The following RGS7 variants were observed in gnomAD, a reference collection of about 807,000 sequenced individuals.
RGS7 encodes the protein regulator of G-protein signaling 7.
In RGS7, 27 loss-of-function variants were observed where a neutral mutation model predicts 81.1. The ratio of observed to expected loss-of-function variants is 0.33; its 90% CI spans 0.25 to 0.46. The LOEUF (loss-of-function observed/expected upper bound fraction) is 0.46. Among genes scored for constraint, RGS7 ranks in the 20% least tolerant of loss-of-function variants. The probability of loss-of-function intolerance (pLI) is 1.00; values close to 1 mark genes in which losing one functional copy is unlikely to be tolerated. For missense variants in RGS7, 396 were observed against 607.4 expected, an observed-to-expected ratio of 0.65 and a Z score of 3.66; for synonymous variants, 208 against 207.7, an observed-to-expected ratio of 1.00 and a Z score of -0.01.
At chr1:241,333,246 G>T (rs1055535111) in intron 2 of RGS7, among the ~76,000 whole-genome samples, 1 of 152,160 alleles carries the variant, frequency 6.6e-6, no homozygotes, top group African/African-American at 2.4e-5. Flanking sequence ...TAGACTACTG[G>T]TTTTGATAGA....
At chr1:240,902,101 T>A (rs2148203456) in intron 6 of RGS7, among the ~76,000 whole-genome samples, 1 of 152,338 alleles carries the variant, frequency 6.6e-6, no homozygotes, top group South Asian at 2.1e-4. Context: ...TTTCCATAAA[T>A]TCAATCAATT....
At chr1:241,340,300 T>C (rs550682196) in intron 2 of RGS7, among the ~76,000 whole-genome samples, 18 of 152,214 alleles carry the variant, frequency 1.2e-4, no homozygotes, top group Non-Finnish European at 2.5e-4. Flanking sequence ...TTTTTGGTTA[T>C]AATCAAATAC....
At chr1:241,182,990 C>T (rs1180259038) in intron 2 of RGS7, among the ~76,000 whole-genome samples, 2 of 151,538 alleles carry the variant, frequency 1.3e-5, no homozygotes, top group South Asian at 2.1e-4. Context: ...GCATACATAC[C>T]GTGCTCTGGT....
chr1:241,225,763 T>C (rs1219169169), intron 2 of RGS7, among the ~76,000 whole-genome samples: 8 of 152,200 alleles, frequency 5.3e-5, no homozygotes, highest in Admixed American at 4.6e-4. Context: ...TATTTCTAAC[T>C]TGTTAGGTAC....
Position 241,189,641 on chromosome 1 carries a change from A to G in RGS7, c.79-90879T>C, listed in dbSNP as rs551818325. On this transcript the variant is annotated intron_variant, in intron 2 of 18. Coordinates refer to ENST00000440928, the MANE Select transcript of RGS7 (RefSeq NM_001364886.1). Reference sequence around the variant, plus strand: ...TTTGCTTTTTCTTTACACTTTTTATAAAGTTTTACATTTTACATTTAAGTC... The same window carrying G: ...TTTGCTTTTTCTTTACACTTTTTATGAAGTTTTACATTTTACATTTAAGTC... Among the ~76,000 whole-genome samples the G allele has an allele frequency of 2.1e-4, 32 of 152,308 alleles. No homozygotes were observed. The South Asian group carries it at 5.8e-3, about 28-fold the overall frequency.
chr1:240,952,348 G>A (rs985908718), intron 4 of RGS7, among the ~76,000 whole-genome samples: 6 of 152,128 alleles, frequency 3.9e-5, no homozygotes, highest in African/African-American at 4.8e-5. Flanking sequence ...CAGCAGTGTC[G>A]TAAAGGAAGA....
chr1:241,068,224 T>TTGTG lies in RGS7; in HGVS notation c.175+30438_175+30441dup, dbSNP rs71568983. ...TTTGCTTTTGGGTTCTATCCATAAA[T>TTGTG]TGTGTGTGTGTGTGTATATATATAT... is the stretch of plus-strand genomic sequence containing the variant. On this transcript the variant is annotated intron_variant, in intron 3 of 18. Coordinates refer to ENST00000440928, the MANE Select transcript of RGS7 (RefSeq NM_001364886.1). Among the ~76,000 whole-genome samples the TTGTG allele has an allele frequency of 5.9e-3, 326 of 55,660 alleles. 28 individuals are homozygous for TTGTG. Among genetic ancestry groups the TTGTG allele is most frequent in the Middle Eastern group, 9.1e-3 (1 of 110 alleles). The allele number at this position is 55,660 out of a possible 152,430, so 36.5% of individuals were successfully genotyped here.
intron 6 of RGS7, among the ~76,000 whole-genome samples, chr1:240,907,943 C>A (rs1429003375): frequency 6.6e-6 from 1 of 152,110 alleles, no homozygotes; most frequent in Non-Finnish European, 1.5e-5. Flanking sequence ...TATAAACAAT[C>A]TTATCCATGG....
intron 3 of RGS7, among the ~76,000 whole-genome samples, chr1:241,038,797 C>T (rs897085928): frequency 6.6e-6 from 1 of 151,994 alleles, no homozygotes; most frequent in Middle Eastern, 3.2e-3. Flanking sequence ...GGCAATACAG[C>T]GAGAACCTGT....
chr1:240,797,661 A>G (rs1272312594), intron 18 of RGS7, among the ~76,000 whole-genome samples: 1 of 152,028 alleles, frequency 6.6e-6, no homozygotes, highest in Non-Finnish European at 1.5e-5. Flanking sequence ...AGATGCTATG[A>G]TATTTTAATG....
intron 9 of RGS7, among the ~76,000 whole-genome samples, chr1:240,852,064 C>T (rs959736898): frequency 1.3e-5 from 2 of 152,076 alleles, no homozygotes; most frequent in Non-Finnish European, 2.9e-5. Flanking sequence ...AGTTCTACTG[C>T]GGGTAAAATG....
chr1:240,965,004 C>T (rs1473545182), intron 4 of RGS7, among the ~76,000 whole-genome samples: 7 of 152,118 alleles, frequency 4.6e-5, no homozygotes, highest in South Asian at 2.1e-4. Flanking sequence ...TTATCAGATA[C>T]GTTGATGGTG....
At chr1:240,917,316 C>T (rs1187582112) in intron 6 of RGS7, among the ~76,000 whole-genome samples, 3 of 152,066 alleles carry the variant, frequency 2.0e-5, no homozygotes, top group Non-Finnish European at 2.9e-5. Context: ...GAAAGGAAGA[C>T]TATTAGAGAA....
chr1:240,783,806 C>T (rs1038541482), intron 18 of RGS7, among the ~76,000 whole-genome samples: 1 of 151,834 alleles, frequency 6.6e-6, no homozygotes, highest in African/African-American at 2.4e-5. Flanking sequence ...CCTGCAATCC[C>T]TTCTTCACAA....
At chr1:241,097,511 C>T (rs2064354002) in intron 3 of RGS7, among the ~76,000 whole-genome samples, 1 of 152,102 alleles carries the variant, frequency 6.6e-6, no homozygotes, top group Non-Finnish European at 1.5e-5. Context: ...TTGACAGCTT[C>T]CTGATCATGA....
chr1:241,003,968 G>A (rs1302836330), intron 3 of RGS7, among the ~76,000 whole-genome samples: 2 of 151,984 alleles, frequency 1.3e-5, no homozygotes, highest in Non-Finnish European at 2.9e-5. Flanking sequence ...GGCTGGTCTC[G>A]GCCTCCCAAA....
intron 9 of RGS7, among the ~76,000 whole-genome samples, chr1:240,853,648 G>C (rs912868315): frequency 2.0e-5 from 3 of 152,070 alleles, no homozygotes; most frequent in African/African-American, 7.3e-5. Flanking sequence ...ACTCACGCCT[G>C]AAACCCCAGC....
At position 240,920,878 on chromosome 1, in the gene RGS7, A is replaced by AT. The variant is rs879299204; in HGVS notation, c.385+9838dup. Among the ~76,000 whole-genome samples the AT allele has an allele frequency of 7.9e-3, 1,174 of 148,130 alleles. 23 individuals are homozygous for AT. The highest frequency in any genetic ancestry group is 0.027 in the African/African-American group (1,079 of 40,536). On this transcript the variant is annotated intron_variant, in intron 6 of 18. Transcript: ENST00000440928. Reference sequence around the variant, plus strand: ...ATTCCAACAAAGGGTCTTAATGTAGATTTTTTTTTTTCACCCATGCTGTTG... The same window carrying AT: ...ATTCCAACAAAGGGTCTTAATGTAGATTTTTTTTTTTTCACCCATGCTGTTG...
chr1:241,000,166 G>A (rs1687919383), intron 3 of RGS7, among the ~76,000 whole-genome samples: 3 of 152,152 alleles, frequency 2.0e-5, no homozygotes, highest in Non-Finnish European at 1.5e-5. Context: ...CCAGGTTGGT[G>A]TGGGATATCC....
Sources: allele counts gnomAD v4.1 joint callset (sites outside exome capture counted in the v4.1 genomes callset), GRCh38; gene constraint gnomAD v4.1.1; transcripts MANE v1.5; gene names NCBI Gene and HGNC (gene_info 2026-07-23, HGNC 2026-07-21).